KCNG3: variants seen among roughly 807,000 people sequenced by gnomAD.
The protein encoded by KCNG3 is potassium voltage-gated channel modifier subfamily G member 3.
KCNG3 carries 15 observed loss-of-function variants against 29.0 expected under a neutral mutation model. The observed-to-expected ratio is 0.52, with a 90% confidence interval of 0.35 to 0.80. KCNG3 has a LOEUF of 0.80. Ranked by LOEUF, KCNG3 falls within the 30% of genes least tolerant of loss-of-function variation. The probability of loss-of-function intolerance (pLI) is 0.01; values close to 1 mark genes in which losing one functional copy is unlikely to be tolerated. For synonymous variants in KCNG3, 322 were observed against 248.9 expected, an observed-to-expected ratio of 1.29 and a Z score of -2.76; for missense variants, 512 against 605.7, an observed-to-expected ratio of 0.85 and a Z score of 1.62.
At chr2:42,455,686 T>C (rs561726020) in intron 1 of KCNG3, among the ~76,000 whole-genome samples, 2 of 152,204 alleles carry the variant, frequency 1.3e-5, no homozygotes, top group Admixed American at 1.3e-4. Flanking sequence ...GGAGGATCAC[T>C]TGGGCCCAGG....
chr2:42,430,376 AAAT>A, the KCNG3 span, among the ~76,000 whole-genome samples: 8 of 144,544 alleles, frequency 5.5e-5, no homozygotes, highest in Admixed American at 1.4e-4. Flanking sequence ...ATAAATAAAT[AAAT>A]AAATAAATAA....
the KCNG3 span, among the ~76,000 whole-genome samples, chr2:42,428,390 G>A: frequency 1.3e-5 from 2 of 150,090 alleles, no homozygotes; most frequent in African/African-American, 4.9e-5. Flanking sequence ...GAGCCTGGGA[G>A]GCAGAGGTTG....
intron 1 of KCNG3, among the ~76,000 whole-genome samples, chr2:42,484,452 C>A (rs1055248690): frequency 6.6e-6 from 1 of 152,108 alleles, no homozygotes; most frequent in Non-Finnish European, 1.5e-5. Context: ...CAGAGCGAGA[C>A]TCCGTCTGAA....
At chr2:42,473,336 A>G (rs973371623) in intron 1 of KCNG3, among the ~76,000 whole-genome samples, 1 of 152,002 alleles carries the variant, frequency 6.6e-6, no homozygotes, top group African/African-American at 2.4e-5. Flanking sequence ...CTACCATTGT[A>G]AAGCATGTTT....
chr2:42,396,723 T>C, the KCNG3 span, among the ~76,000 whole-genome samples: 1 of 152,140 alleles, frequency 6.6e-6, no homozygotes, highest in Admixed American at 6.6e-5. Flanking sequence ...CAGAGCATGG[T>C]TCAGAGCTTG....
In KCNG3 at chr2:42,492,871, T is replaced by A. The variant is rs1673935838; in HGVS notation, c.631A>T (p.Arg211Trp). 6.5e-7 allele frequency: 1 copy of A among 1,529,496 alleles called. No individual in the cohort carries two copies. 94.7% of individuals were successfully genotyped at this position (1,529,496 alleles called of 1,614,324 possible). A position where few individuals can be genotyped will look rare whatever the true frequency, so the allele number is the denominator to read the frequency against. The change falls in exon 1 of 2, where the codon AGG becomes TGG. Residue 211 changes from arginine to tryptophan, a missense_variant. Arg to Trp is a moderately radical substitution (Grantham distance 101). Around this residue, in one of 5 missense-constraint regions of KCNG3, gnomAD observed 228 missense variants for 200.0 expected, o/e 1.14. Coordinates refer to ENST00000306078, the MANE Select transcript of KCNG3 (RefSeq NM_133329.6). ...ADNRSLDDRS[R>W]YSAGPGREPS... ...TCCCTCCCAGGGCCGGCGGAGTACC[T>A]GCTCCGGTCATCCAGGCTGCGGTTG...
At chr2:42,470,355 G>A (rs1465839373) in intron 1 of KCNG3, 2 of 230,644 alleles carry the variant, frequency 8.7e-6, no homozygotes, top group Admixed American at 6.0e-5. Context: ...CATAAACAAA[G>A]TAAAAATACC....
intron 1 of KCNG3, among the ~76,000 whole-genome samples, chr2:42,483,911 A>G (rs757261868): frequency 4.0e-5 from 6 of 151,718 alleles, no homozygotes; most frequent in Admixed American, 1.3e-4. Context: ...CCTACCTCAG[A>G]CTCCTGAGTA....
chr2:42,480,317 G>A (rs1431372726), intron 1 of KCNG3, among the ~76,000 whole-genome samples: 1 of 152,124 alleles, frequency 6.6e-6, no homozygotes. Flanking sequence ...TTACAGACAA[G>A]CAAACTCAGC....
intron 1 of KCNG3, among the ~76,000 whole-genome samples, chr2:42,449,514 C>CTTTTTTTTTTTTTTTT (rs36088470): frequency 5.0e-5 from 5 of 99,462 alleles, no homozygotes; most frequent in African/African-American, 1.5e-4. Context: ...ACTGAGATTT[C>CTTTTTTTTTTTTTTTT]TTTTTTTTTT....
At chr2:42,474,723 T>G (rs1300236129) in intron 1 of KCNG3, among the ~76,000 whole-genome samples, 1 of 152,222 alleles carries the variant, frequency 6.6e-6, no homozygotes, top group Non-Finnish European at 1.5e-5. Flanking sequence ...TTTGTCAAAT[T>G]TTATCAAATC....
chr2:42,449,291 T>C (rs1040003303), intron 1 of KCNG3, among the ~76,000 whole-genome samples: 4 of 152,192 alleles, frequency 2.6e-5, no homozygotes, highest in Non-Finnish European at 5.9e-5. Flanking sequence ...TAAAGAATTA[T>C]ATTTTATGAC....
At chr2:42,472,935 T>C (rs1436326034) in intron 1 of KCNG3, among the ~76,000 whole-genome samples, 1 of 140,968 alleles carries the variant, frequency 7.1e-6, no homozygotes, top group Non-Finnish European at 1.5e-5. Flanking sequence ...AGAGTCTCGC[T>C]CTGTTGCCCA....
chr2:42,455,481 C>T (rs963599021), intron 1 of KCNG3, among the ~76,000 whole-genome samples: 7 of 152,164 alleles, frequency 4.6e-5, no homozygotes, highest in African/African-American at 1.7e-4. Flanking sequence ...ACAGCTGTGG[C>T]TGGCCCCAAT....
downstream of KCNG3, among the ~76,000 whole-genome samples, chr2:42,439,021 T>C (rs931902365): frequency 9.9e-5 from 15 of 152,192 alleles, no homozygotes; most frequent in African/African-American, 2.7e-4. Flanking sequence ...TTACTTGACA[T>C]TTCTCAGCCT....
In KCNG3 at chr2:42,493,632, C is replaced by G; in HGVS notation, c.-131G>C. The G allele has an allele frequency of 1.4e-6, 1 of 720,568 alleles. No homozygotes were observed. The highest frequency in any genetic ancestry group is 7.1e-5 in the South Asian group (1 of 14,126). 44.6% of individuals were successfully genotyped at this position (720,568 alleles called of 1,614,324 possible). A position where few individuals can be genotyped will look rare whatever the true frequency, so the allele number is the denominator to read the frequency against. On this transcript the variant is annotated 5_prime_UTR_variant, in exon 1 of 2. Transcript: ENST00000306078. ...TCGGGGCCCGCGCTCCCTCGGGGCTCCGCTCCTGCCCTCCGCTGGCCCGGG... is the reference window on the plus strand; with the variant it reads ...TCGGGGCCCGCGCTCCCTCGGGGCTGCGCTCCTGCCCTCCGCTGGCCCGGG...
intron 1 of KCNG3, among the ~76,000 whole-genome samples, chr2:42,453,608 A>G (rs1222811485): frequency 6.6e-6 from 1 of 151,986 alleles, no homozygotes; most frequent in Admixed American, 6.6e-5. Flanking sequence ...CTGGTTTTTA[A>G]TCCCTTGTCA....
At chr2:42,467,162 A>C (rs1558382216) in intron 1 of KCNG3, among the ~76,000 whole-genome samples, 1 of 152,134 alleles carries the variant, frequency 6.6e-6, no homozygotes, top group Non-Finnish European at 1.5e-5. Context: ...ATCAGACCAA[A>C]ATTTTCAGTT....
chr2:42,403,623 T>C, the KCNG3 span, among the ~76,000 whole-genome samples: 1 of 87,626 alleles, frequency 1.1e-5, no homozygotes. Context: ...TTTTTTTTCT[T>C]TTTTTTTTTT....
Sources: gnomAD v4.1 joint callset for allele counts (sites outside exome capture counted in the v4.1 genomes callset) on GRCh38, gnomAD v4.1.1 for gene constraint, gnomAD v4.1.1 regional missense constraint, MANE v1.5 for transcripts, NCBI Gene and HGNC (gene_info 2026-07-23, HGNC 2026-07-21) for gene names.